The following XKR4 variants were observed in gnomAD, a reference collection of about 807,000 sequenced individuals.
XKR4 encodes the protein XK-related protein 4.
A neutral mutation model predicts 53.9 loss-of-function variants in XKR4; 12 were observed. That is an observed-to-expected ratio of 0.22 (90% CI 0.14 to 0.36). XKR4 has a LOEUF of 0.36. Among genes scored for constraint, XKR4 ranks in the 10% least tolerant of loss-of-function variants. The pLI, the probability that XKR4 is intolerant of heterozygous loss-of-function variation, is 1.00. For synonymous variants in XKR4, 354 were observed against 362.4 expected (o/e 0.98, Z 0.26); for missense variants, 799 against 859.5 (o/e 0.93, Z 0.88).
chr8:55,480,049 T>A (rs1201311874), intron 2 of XKR4, among the ~76,000 whole-genome samples: 1 of 152,202 alleles, frequency 6.6e-6, no homozygotes, highest in Non-Finnish European at 1.5e-5. Flanking sequence ...TAACTCATTT[T>A]ATGAGGCCAG....
chr8:55,397,633 C>T (rs115917761), intron 2 of XKR4, among the ~76,000 whole-genome samples: 4,144 of 151,760 alleles, frequency 0.027, 174 homozygotes, highest in African/African-American at 0.094. Context: ...CCCCACCACA[C>T]ATGCACACAC....
intron 1 of XKR4, among the ~76,000 whole-genome samples, chr8:55,193,802 G>T (rs753474989): frequency 6.6e-6 from 1 of 152,224 alleles, no homozygotes; most frequent in African/African-American, 2.4e-5. Context: ...GTGCTGAATG[G>T]TGCCTCCACC....
At chr8:55,351,657 G>C (rs2129383667) in intron 1 of XKR4, among the ~76,000 whole-genome samples, 1 of 152,322 alleles carries the variant, frequency 6.6e-6, no homozygotes, top group Non-Finnish European at 1.5e-5. Flanking sequence ...TGCAAACACT[G>C]TCTGTGCTTT....
intron 1 of XKR4, among the ~76,000 whole-genome samples, chr8:55,309,209 A>C (rs1200373586): frequency 6.6e-6 from 1 of 152,200 alleles, no homozygotes; most frequent in Non-Finnish European, 1.5e-5. Context: ...ACTAATACAC[A>C]TACCATGGCA....
intron 2 of XKR4, among the ~76,000 whole-genome samples, chr8:55,475,401 TTGTTG>T (rs1805965563): frequency 6.6e-6 from 1 of 151,438 alleles, no homozygotes; most frequent in Non-Finnish European, 1.5e-5. Flanking sequence ...GTTGTTGTTG[TTGTTG>T]TTGTTGTTGT....
chr8:55,186,869 A>G (rs1322034874), intron 1 of XKR4, among the ~76,000 whole-genome samples: 1 of 152,172 alleles, frequency 6.6e-6, no homozygotes, highest in Non-Finnish European at 1.5e-5. Flanking sequence ...TGTAATCAGT[A>G]ATTATGCAAT....
intron 1 of XKR4, among the ~76,000 whole-genome samples, chr8:55,220,543 T>C (rs1817867039): frequency 6.6e-6 from 1 of 152,202 alleles, no homozygotes; most frequent in South Asian, 2.1e-4. Context: ...CTCCTGAGCC[T>C]GTAGTCATCA....
chr8:55,352,207 G>A (rs1164671701), intron 1 of XKR4, among the ~76,000 whole-genome samples: 1 of 152,228 alleles, frequency 6.6e-6, no homozygotes, highest in African/African-American at 2.4e-5. Context: ...GAGAGGCCAA[G>A]GGAGAGGGAA....
chr8:55,515,801 G>A (rs1235954235), intron 2 of XKR4, among the ~76,000 whole-genome samples: 24 of 152,166 alleles, frequency 1.6e-4, no homozygotes, highest in Admixed American at 1.3e-3. Context: ...AAACCTATTA[G>A]GGAGCAGTTG....
chr8:55,463,377 G>A (rs13272147), intron 2 of XKR4, among the ~76,000 whole-genome samples: 2 of 150,548 alleles, frequency 1.3e-5, no homozygotes, highest in African/African-American at 2.4e-5. Flanking sequence ...GAATGACTAC[G>A]GGGTACATAA....
At chr8:55,294,413 A>G (rs987128890) in intron 1 of XKR4, among the ~76,000 whole-genome samples, 1 of 152,126 alleles carries the variant, frequency 6.6e-6, no homozygotes, top group Non-Finnish European at 1.5e-5. Flanking sequence ...CCTTTTCAGC[A>G]CACACGCTAA....
chr8:55,448,887 A>G (rs1050109315), intron 2 of XKR4, among the ~76,000 whole-genome samples: 1 of 152,234 alleles, frequency 6.6e-6, no homozygotes, highest in African/African-American at 2.4e-5. Flanking sequence ...ACAAATAAAG[A>G]AAAATAAAGA....
At chr8:55,106,845 G>A (rs1816156113) in intron 1 of XKR4, among the ~76,000 whole-genome samples, 1 of 152,166 alleles carries the variant, frequency 6.6e-6, no homozygotes, top group Admixed American at 6.5e-5. Flanking sequence ...TGGGAAAAAT[G>A]TGAGGAAAAT....
chr8:55,455,114 A>G, intron 2 of XKR4: 1 of 648,024 alleles, frequency 1.5e-6, no homozygotes, highest in Non-Finnish European at 2.8e-6. Flanking sequence ...TGCCACCAGC[A>G]GGAAGTAGTC....
chr8:55,523,188 C>T (rs1461421871), intron 2 of XKR4, 93 bp from the exon 3 acceptor site: 1 of 1,165,536 alleles, frequency 8.6e-7, no homozygotes, highest in Non-Finnish European at 1.2e-6. Flanking sequence ...GAGGTCAAAG[C>T]CAGCCTTCCC....
chr8:55,390,009 C>T (rs1033200565), intron 2 of XKR4, among the ~76,000 whole-genome samples: 12 of 152,124 alleles, frequency 7.9e-5, no homozygotes, highest in African/African-American at 2.9e-4. Context: ...TGAAATGCCC[C>T]TCAGTCCTAA....
chr8:55,302,142 G>A (rs1323139817), intron 1 of XKR4, among the ~76,000 whole-genome samples: 6 of 152,146 alleles, frequency 3.9e-5, no homozygotes, highest in African/African-American at 1.4e-4. Context: ...TAACATTTAA[G>A]TCTTTAATCC....
intron 1 of XKR4, among the ~76,000 whole-genome samples, chr8:55,189,144 G>T (rs1430724330): frequency 1.3e-5 from 2 of 152,142 alleles, no homozygotes; most frequent in Non-Finnish European, 2.9e-5. Context: ...GATTTCGATA[G>T]GTTTAGGGTG....
At chr8:55,481,675 C>G (rs1002679640) in intron 2 of XKR4, among the ~76,000 whole-genome samples, 2 of 151,850 alleles carry the variant, frequency 1.3e-5, no homozygotes, top group Admixed American at 1.3e-4. Context: ...CCAGAATCTA[C>G]AATGAACTCA....
Sources: allele counts gnomAD v4.1 joint callset (sites outside exome capture counted in the v4.1 genomes callset), GRCh38; gene constraint gnomAD v4.1.1; transcripts MANE v1.5; gene names NCBI Gene and HGNC (gene_info 2026-07-23, HGNC 2026-07-21).